MAPKAP1: variants seen among roughly 807,000 people sequenced by gnomAD.
MAPKAP1 encodes the protein MAPK associated protein 1.
Under a neutral mutation model 65.7 loss-of-function variants are expected in MAPKAP1, and 20 were observed. The ratio of observed to expected loss-of-function variants is 0.30; its 90% CI spans 0.21 to 0.44. The LOEUF is 0.44. MAPKAP1 is among the 20% of genes least tolerant of loss of function. The pLI is 1.00. For missense variants in MAPKAP1, 423 were observed against 648.0 expected (o/e 0.65, Z 3.77); for synonymous variants, 222 against 244.3 (o/e 0.91, Z 0.85).
chr9:125,584,550 C>G (rs1017611559), intron 5 of MAPKAP1, among the ~76,000 whole-genome samples: 3 of 152,048 alleles, frequency 2.0e-5, no homozygotes, highest in Non-Finnish European at 4.4e-5. Flanking sequence ...CCTCAGCCTC[C>G]TGAGTAGCTG....
chr9:125,705,179 T>C (rs984969871), intron 1 of MAPKAP1, among the ~76,000 whole-genome samples: 2 of 152,188 alleles, frequency 1.3e-5, no homozygotes, highest in African/African-American at 4.8e-5. Flanking sequence ...CAATATGTAC[T>C]TGCATAAAAA....
intron 7 of MAPKAP1, among the ~76,000 whole-genome samples, chr9:125,507,820 G>T (rs982958102): frequency 6.6e-6 from 1 of 152,056 alleles, no homozygotes; most frequent in Non-Finnish European, 1.5e-5. Flanking sequence ...TATCAAAAAG[G>T]TATTGTGTTT....
chr9:125,585,173 C>A (rs1339536672), intron 5 of MAPKAP1, among the ~76,000 whole-genome samples: 1 of 152,170 alleles, frequency 6.6e-6, no homozygotes, highest in African/African-American at 2.4e-5. Context: ...ACCCTCACCT[C>A]CCAGGGAGCT....
chr9:125,694,656 A>C (rs1369763945), intron 1 of MAPKAP1, among the ~76,000 whole-genome samples: 2 of 152,200 alleles, frequency 1.3e-5, no homozygotes, highest in East Asian at 1.9e-4. Flanking sequence ...GCTTACTCCA[A>C]ATAGCTCACC....
intron 5 of MAPKAP1, among the ~76,000 whole-genome samples, chr9:125,570,562 A>C (rs1831197751): frequency 6.6e-6 from 1 of 152,224 alleles, no homozygotes; most frequent in Non-Finnish European, 1.5e-5. Context: ...AAACTTACCA[A>C]AGTTTTCACC....
intron 9 of MAPKAP1, among the ~76,000 whole-genome samples, chr9:125,473,793 T>G (rs185459477): frequency 6.6e-6 from 1 of 152,298 alleles, no homozygotes; most frequent in East Asian, 1.9e-4. Context: ...TATTAGCCTA[T>G]CTTACATTTA....
intron 4 of MAPKAP1, among the ~76,000 whole-genome samples, chr9:125,602,108 A>G (rs1832315512): frequency 6.6e-6 from 1 of 152,070 alleles, no homozygotes; most frequent in African/African-American, 2.4e-5. Context: ...TAAAAATTAG[A>G]CAGGTGTGAC....
At chr9:125,516,784 A>C (rs1302079112) in intron 7 of MAPKAP1, among the ~76,000 whole-genome samples, 3 of 152,230 alleles carry the variant, frequency 2.0e-5, no homozygotes, top group African/African-American at 4.8e-5. Flanking sequence ...TCATGGAGTA[A>C]TTCCACAGAT....
intron 7 of MAPKAP1, among the ~76,000 whole-genome samples, chr9:125,516,717 A>G (rs1324587525): frequency 6.6e-6 from 1 of 152,214 alleles, no homozygotes; most frequent in Non-Finnish European, 1.5e-5. Flanking sequence ...ACTTGGATTG[A>G]AATCCTGGCT....
At chr9:125,662,155 G>A (rs938561751) in intron 3 of MAPKAP1, among the ~76,000 whole-genome samples, 1 of 152,178 alleles carries the variant, frequency 6.6e-6, no homozygotes, top group African/African-American at 2.4e-5. Context: ...GCCAAGATGG[G>A]CAGATCACTT....
chr9:125,670,235 T>C (rs938110233), intron 2 of MAPKAP1, among the ~76,000 whole-genome samples: 1 of 152,150 alleles, frequency 6.6e-6, no homozygotes, highest in Non-Finnish European at 1.5e-5. Context: ...CTTAAAGGAA[T>C]TTTAATGCAC....
intron 9 of MAPKAP1, among the ~76,000 whole-genome samples, chr9:125,469,869 A>T (rs967439555): frequency 1.3e-5 from 2 of 152,168 alleles, no homozygotes; most frequent in Non-Finnish European, 2.9e-5. Flanking sequence ...TTAATTGTTA[A>T]AGATCTGGAC....
At chr9:125,486,333 C>T (rs1417903319) in intron 8 of MAPKAP1, among the ~76,000 whole-genome samples, 2 of 152,122 alleles carry the variant, frequency 1.3e-5, no homozygotes, top group Non-Finnish European at 2.9e-5. Flanking sequence ...ATCACCAGTG[C>T]AGGGGGTAGA....
In MAPKAP1 at chr9:125,679,707, C is replaced by T. The variant is rs117322105; in HGVS notation, c.-69-7064G>A. ...AACTCACTACAAGCAAACAAGCCCA[C>T]CCTATACTTCTTCAGTCTCTAAGGA... is the stretch of plus-strand genomic sequence containing the variant. On this transcript the variant is annotated intron_variant, in intron 1 of 11. Coordinates refer to ENST00000265960, the MANE Select transcript of MAPKAP1 (RefSeq NM_001006617.3). Among the ~76,000 whole-genome samples the T allele has an allele frequency of 3.8e-3, 572 of 152,262 alleles. 3 individuals are homozygous for T. Among genetic ancestry groups the T allele is most frequent in the Admixed American group, 6.4e-3 (98 of 15,296 alleles).
Position 125,684,228 on chromosome 9 carries a change from T to G in MAPKAP1, c.-69-11585A>C, listed in dbSNP as rs117630804. Among the ~76,000 whole-genome samples the G allele has an allele frequency of 2.9e-3, 448 of 152,286 alleles. 3 individuals carry two copies. Among genetic ancestry groups the G allele is most frequent in the Non-Finnish European group, 4.0e-3 (270 of 68,018 alleles). On this transcript the variant is annotated intron_variant, in intron 1 of 11. Transcript: ENST00000265960. ...TTGTTACAGATTCCATCAACGATAA[T>G]GTAATGGTTCAAATGGAAGCCGGTT...
chr9:125,595,652 C>A lies in MAPKAP1; in HGVS notation c.499-9925G>T. The A allele has an allele frequency of 6.7e-7, 1 of 1,481,790 alleles. No individual in the cohort carries two copies. Among genetic ancestry groups the A allele is most frequent in the South Asian group, 1.3e-5 (1 of 75,600 alleles). 91.8% of individuals were successfully genotyped at this position (1,481,790 alleles called of 1,614,324 possible). A position where few individuals can be genotyped will look rare whatever the true frequency, so the allele number is the denominator to read the frequency against. ...CACGCCAAGGAAGCATCGTTAAAGT[C>A]TCTCTTCTCCCTGCCGTCCTAAGTC... is the stretch of plus-strand genomic sequence containing the variant. On this transcript the variant is annotated intron_variant, in intron 4 of 11. Transcript: ENST00000265960. The surrounding 1 kb of genome is among the most constrained non-coding windows in gnomAD (Gnocchi z 4.0).
chr9:125,561,943 C>T (rs1830906145), intron 5 of MAPKAP1, among the ~76,000 whole-genome samples: 1 of 152,170 alleles, frequency 6.6e-6, no homozygotes, highest in Non-Finnish European at 1.5e-5. Context: ...GTACACACAA[C>T]TGTAATGGGA....
At chr9:125,450,207 T>G (rs1323325972) in intron 10 of MAPKAP1, among the ~76,000 whole-genome samples, 1 of 152,184 alleles carries the variant, frequency 6.6e-6, no homozygotes, top group African/African-American at 2.4e-5. Context: ...GCTGCCAGAA[T>G]GAGCCTGCAG....
At chr9:125,643,196 A>G (rs1588030460) in intron 4 of MAPKAP1, among the ~76,000 whole-genome samples, 1 of 131,520 alleles carries the variant, frequency 7.6e-6, no homozygotes, top group Admixed American at 7.8e-5. Flanking sequence ...CACCACGCCC[A>G]GCGTTTTTTT....
Sources: allele counts gnomAD v4.1 joint callset (sites outside exome capture counted in the v4.1 genomes callset), GRCh38; gene constraint gnomAD v4.1.1; non-coding constraint Gnocchi (gnomAD v3.1); transcripts MANE v1.5; gene names NCBI Gene and HGNC (gene_info 2026-07-23, HGNC 2026-07-21).